The following ZNF787 variants were observed in gnomAD, a reference collection of about 807,000 sequenced individuals.
ZNF787 encodes TTF-I-interacting peptide 20.
ZNF787 carries 7 observed loss-of-function variants against 16.9 expected under a neutral mutation model. That is an observed-to-expected ratio of 0.42 (90% CI 0.24 to 0.78). ZNF787 has a LOEUF of 0.78. Ranked by LOEUF, ZNF787 falls within the 30% of genes least tolerant of loss-of-function variation. ZNF787 has a pLI of 0.30. For missense variants in ZNF787, 551 were observed against 589.3 expected (o/e 0.94, Z 0.67); for synonymous variants, 345 against 270.9 (o/e 1.27, Z -2.69).
At chr19:56,109,588 T>C (rs1387179386) in intron 1 of ZNF787, among the ~76,000 whole-genome samples, 1 of 152,220 alleles carries the variant, frequency 6.6e-6, no homozygotes, top group Non-Finnish European at 1.5e-5. Flanking sequence ...AAGTCTCCCA[T>C]GTACCTGTAA....
chr19:56,120,109 C>G, intron 1 of ZNF787, among the ~76,000 whole-genome samples: 1 of 152,234 alleles, frequency 6.6e-6, no homozygotes, highest in East Asian at 1.9e-4. Context: ...TGGATGGCGA[C>G]TCTGTCGCCC....
chr19:56,116,135 T>G (rs529145682), intron 1 of ZNF787, among the ~76,000 whole-genome samples: 78 of 151,982 alleles, frequency 5.1e-4, no homozygotes, highest in African/African-American at 1.8e-3. Flanking sequence ...AACCTAAAAC[T>G]GCTCTAAAAA....
intron 1 of ZNF787, among the ~76,000 whole-genome samples, chr19:56,107,462 A>G (rs1986368906): frequency 5.1e-5 from 7 of 135,976 alleles, no homozygotes; most frequent in Admixed American, 4.3e-4. Context: ...GGGAGAAACG[A>G]GGGTCACCGG....
chr19:56,088,250 C>G lies in ZNF787; in HGVS notation c.922G>C (p.Gly308Arg), dbSNP rs1221506035. 1.4e-6 allele frequency: 2 copies of G among 1,465,566 alleles called. No homozygotes were observed. The highest frequency in any genetic ancestry group is 2.6e-5 in the South Asian group (2 of 78,408). The allele number at this position is 1,465,566 out of a possible 1,614,324, so 90.8% of individuals were successfully genotyped here. A position where few individuals can be genotyped will look rare whatever the true frequency, so the allele number is the denominator to read the frequency against. ...GCCGGCTCCTCGCCCCCCGCCGCCC[C>G]GAGCCCGTCCCCGTGCTGGGCCCGC... is the stretch of plus-strand genomic sequence containing the variant. Reference protein sequence around the residue: ...HQRAQHGDGLGAAGGEEPAHI... With the variant: ...HQRAQHGDGLRAAGGEEPAHI... The change falls in exon 3 of 3, where the codon GGG (glycine) becomes CGG (arginine). Residue 308 changes from glycine (G) to arginine (R), a missense_variant. By Grantham distance (125) the Gly-to-Arg change is moderately radical. Around this residue, in one of 4 missense-constraint regions of ZNF787, gnomAD observed 392 missense variants for 312.7 expected, o/e 1.25. Transcript: ENST00000610935. This position sits in a 1 kb window ranked among gnomAD's most constrained non-coding sequence, Gnocchi z 8.6.
At chr19:56,093,489 C>T (rs1327300165) in intron 2 of ZNF787, among the ~76,000 whole-genome samples, 1 of 152,158 alleles carries the variant, frequency 6.6e-6, no homozygotes, top group Non-Finnish European at 1.5e-5. Flanking sequence ...AGTGTTTTCT[C>T]GGCTGCATCC....
At chr19:56,110,403 A>G (rs1015069779) in intron 1 of ZNF787, among the ~76,000 whole-genome samples, 2 of 152,148 alleles carry the variant, frequency 1.3e-5, no homozygotes, top group African/African-American at 2.4e-5. Flanking sequence ...AAATGTTGTA[A>G]TACATTAATT....
In ZNF787 at chr19:56,087,997, CCCG is replaced by C; in HGVS notation, c.*23_*25del. 1 of 624,110 alleles carries C rather than the reference CCCG, an allele frequency of 1.6e-6. No homozygotes were observed. The allele number at this position is 624,110 out of a possible 1,614,324, so 38.7% of individuals were successfully genotyped here. A position where few individuals can be genotyped will look rare whatever the true frequency, so the allele number is the denominator to read the frequency against. ...CTCCCGCCAAGCCCGAGGGGCCCTGCCCGCCCCCCCCCCCGGGCCCCTCCCCTA... is the reference window on the plus strand; with the variant it reads ...CTCCCGCCAAGCCCGAGGGGCCCTGCCCCCCCCCCCCGGGCCCCTCCCCTA... On this transcript the variant is annotated 3_prime_UTR_variant, in exon 3 of 3. Transcript: ENST00000610935.
intron 1 of ZNF787, among the ~76,000 whole-genome samples, chr19:56,114,271 C>T (rs895079455): frequency 6.6e-6 from 1 of 152,184 alleles, no homozygotes; most frequent in Non-Finnish European, 1.5e-5. Context: ...GTCTTTCACC[C>T]TTAAGGACCG....
rs575469423 is a variant in ZNF787, at chr19:56,093,963, TC to T, written c.80-4872del. On this transcript the variant is annotated intron_variant, in intron 2 of 2. Coordinates refer to ENST00000610935, the MANE Select transcript of ZNF787 (RefSeq NM_001002836.4). ...GTCTCTTCTTCAGGGACTCTGCCTA[TC>T]CATATGTTGGATTTTCTTTTCCTAA... 9.2e-5 allele frequency among the ~76,000 whole-genome samples: 14 copies of T among 152,354 alleles called. No individual in the cohort carries two copies. The East Asian group carries it at 2.3e-3, about 25-fold the overall frequency.
chr19:56,099,439 G>A (rs1003529262), intron 2 of ZNF787, among the ~76,000 whole-genome samples: 1 of 152,184 alleles, frequency 6.6e-6, no homozygotes, highest in East Asian at 1.9e-4. Context: ...CACACCAGGT[G>A]CGGTGGCTCA....
At chr19:56,093,180 G>A (rs1985723951) in intron 2 of ZNF787, among the ~76,000 whole-genome samples, 2 of 151,548 alleles carry the variant, frequency 1.3e-5, no homozygotes, top group East Asian at 1.9e-4. Flanking sequence ...CACGGGGATG[G>A]CGGAAGTGGG....
chr19:56,118,649 G>C (rs1276006110), intron 1 of ZNF787, among the ~76,000 whole-genome samples: 3 of 152,204 alleles, frequency 2.0e-5, no homozygotes, highest in African/African-American at 7.2e-5. Context: ...TTCCTGCAAA[G>C]TGTGCACCAG....
intron 2 of ZNF787, among the ~76,000 whole-genome samples, chr19:56,091,775 C>T (rs942822054): frequency 6.6e-6 from 1 of 152,218 alleles, no homozygotes; most frequent in Non-Finnish European, 1.5e-5. Flanking sequence ...CTGGGCTCTG[C>T]GCAAACCTTC....
intron 1 of ZNF787, 156 bp from the exon 2 acceptor site, chr19:56,103,383 C>G: frequency 1.6e-6 from 1 of 610,742 alleles, no homozygotes; most frequent in Non-Finnish European, 2.7e-6. Flanking sequence ...GAGAACTGGC[C>G]TGGAGCTAGC....
rs985497908 is a variant in ZNF787, at chr19:56,087,856, C to T, written c.*167G>A. The T allele has an allele frequency of 2.6e-6, 3 of 1,134,270 alleles. No individual in the cohort carries two copies. The highest frequency in any genetic ancestry group is 3.4e-6 in the Non-Finnish European group (3 of 893,156). The allele number at this position is 1,134,270 out of a possible 1,614,324, so 70.3% of individuals were successfully genotyped here. On this transcript the variant is annotated 3_prime_UTR_variant, in exon 3 of 3. Transcript: ENST00000610935. ...AGAAGTGAACGGGCCCTAATACGCC[C>T]CAGTGCCCCCCCACGGACGGCGCAG...
rs550434239 is a variant in ZNF787 at position 56,089,712 on chromosome 19, C to G, written c.80-620G>C. ...AGTAAAACCTGGCTCAACGCCACCT[C>G]CATTACAGAGGCTATGGTCAGCCCC... is the stretch of plus-strand genomic sequence containing the variant. On this transcript the variant is annotated intron_variant, in intron 2 of 2. Coordinates refer to ENST00000610935, the MANE Select transcript of ZNF787 (RefSeq NM_001002836.4). Among the ~76,000 whole-genome samples, 7 of 152,214 alleles carry G rather than the reference C, an allele frequency of 4.6e-5. No homozygotes were observed. The South Asian group carries it at 1.4e-3, about 31-fold the overall frequency.
At position 56,103,848 on chromosome 19, in the gene ZNF787, C is replaced by T. The variant is rs113861308; in HGVS notation, c.-10-621G>A. On this transcript the variant is annotated intron_variant, in intron 1 of 2. Coordinates refer to ENST00000610935, the MANE Select transcript of ZNF787 (RefSeq NM_001002836.4). ...GTGCCACGCACCGGGAGGGTCTCTA[C>T]GCACGACACCGCCGACCCGTGCCAC... Among the ~76,000 whole-genome samples, 11 of 90,326 alleles carry T rather than the reference C, an allele frequency of 1.2e-4. 1 individual carries two copies. Among genetic ancestry groups the T allele is most frequent in the East Asian group, 2.9e-4 (1 of 3,450 alleles). The allele number at this position is 90,326 out of a possible 152,430, so 59.3% of individuals were successfully genotyped here. A position where few individuals can be genotyped will look rare whatever the true frequency, so the allele number is the denominator to read the frequency against.
At chr19:56,094,708 G>A (rs879600059) in intron 2 of ZNF787, among the ~76,000 whole-genome samples, 2 of 152,100 alleles carry the variant, frequency 1.3e-5, no homozygotes, top group Non-Finnish European at 2.9e-5. Context: ...AACCTTTTTG[G>A]CACTAGGGAC....
At chr19:56,107,623 G>A (rs891121256) in intron 1 of ZNF787, among the ~76,000 whole-genome samples, 3 of 151,596 alleles carry the variant, frequency 2.0e-5, no homozygotes, top group African/African-American at 4.9e-5. Context: ...CTGCCCCCAA[G>A]GCTCACAGAC....
Sources: allele counts gnomAD v4.1 joint callset (sites outside exome capture counted in the v4.1 genomes callset), GRCh38; gene constraint gnomAD v4.1.1; regional missense constraint gnomAD v4.1.1; non-coding constraint Gnocchi (gnomAD v3.1); transcripts MANE v1.5; gene names NCBI Gene and HGNC (gene_info 2026-07-23, HGNC 2026-07-21).